Variants in BRME1 observed in about 807,000 individuals in gnomAD.
BRME1 encodes BRCA2 and MEILB2-associating protein 1.
A neutral mutation model predicts 52.6 loss-of-function variants in BRME1; 31 were observed. That is an observed-to-expected ratio of 0.59 (90% CI 0.44 to 0.80). The LOEUF (loss-of-function observed/expected upper bound fraction) is 0.80. Ranked by LOEUF, BRME1 falls within the 30% of genes least tolerant of loss-of-function variation. The pLI is 0.00. For synonymous variants in BRME1, 359 were observed against 353.6 expected (o/e 1.02, Z -0.17); for missense variants, 804 against 860.3 (o/e 0.93, Z 0.82).
Position 13,889,227 on chromosome 19 carries a change from A to G in BRME1, c.1629T>C (p.Asp543=), listed in dbSNP as rs1257507040. The change falls in exon 6 of 9, where the codon GAT becomes GAC. Residue 543 remains aspartate (D), a synonymous_variant. Coordinates refer to ENST00000586783, the MANE Select transcript of BRME1 (RefSeq NM_001345843.2). The part of the protein sequence containing the change: ...LDFLLDSQIQ[D]ALDASDFEAP... Reference sequence around the variant, plus strand: ...CTTCGAAGTCAGAGGCGTCCAGGGCATCCTGTATCTGGCTGTCCAGCAGGA... The same window carrying G: ...CTTCGAAGTCAGAGGCGTCCAGGGCGTCCTGTATCTGGCTGTCCAGCAGGA... 6.2e-7 allele frequency: 1 copy of G among 1,610,416 alleles called. No homozygotes were observed.
At chr19:13,896,810 G>A (rs1369145883) in intron 2 of BRME1, among the ~76,000 whole-genome samples, 1 of 151,548 alleles carries the variant, frequency 6.6e-6, no homozygotes, top group Non-Finnish European at 1.5e-5. Flanking sequence ...CCCACCTCAG[G>A]CCACTCAAGT....
chr19:13,898,427 C>G (rs990512632), intron 2 of BRME1, among the ~76,000 whole-genome samples: 1 of 151,922 alleles, frequency 6.6e-6, no homozygotes, highest in Non-Finnish European at 1.5e-5. Flanking sequence ...TTGGGTAACA[C>G]AGTGAGATCC....
Position 13,883,203 on chromosome 19 carries a change from C to T in BRME1, c.1856+105G>A. On this transcript the variant is annotated intron_variant, in intron 8 of 8. Coordinates refer to ENST00000586783, the MANE Select transcript of BRME1 (RefSeq NM_001345843.2). This position sits in a 1 kb window ranked among gnomAD's most constrained non-coding sequence, Gnocchi z 4.2. Reference sequence around the variant, plus strand: ...CCCAGCAGCAGTGAGGTGCCTGACCCTCGCTGCCCACCTAGGGGCTTCACA... The same window carrying T: ...CCCAGCAGCAGTGAGGTGCCTGACCTTCGCTGCCCACCTAGGGGCTTCACA... 2 of 1,136,940 alleles carry T rather than the reference C, an allele frequency of 1.8e-6. No homozygotes were observed. Among genetic ancestry groups the T allele is most frequent in the Non-Finnish European group, 2.5e-6 (2 of 801,370 alleles). 70.4% of individuals were successfully genotyped at this position (1,136,940 alleles called of 1,614,324 possible). A position where few individuals can be genotyped will look rare whatever the true frequency, so the allele number is the denominator to read the frequency against.
At chr19:13,893,367 A>C in intron 3 of BRME1, 144 bp from the exon 4 acceptor site, 1 of 672,782 alleles carries the variant, frequency 1.5e-6, no homozygotes, top group African/African-American at 1.8e-5. Context: ...GTGAAACCGT[A>C]TCTCTACTAA....
chr19:13,886,216 G>C (rs1969007942), intron 6 of BRME1, among the ~76,000 whole-genome samples, 161 bp from the exon 7 acceptor site: 1 of 152,254 alleles, frequency 6.6e-6, no homozygotes, highest in Admixed American at 6.5e-5. Flanking sequence ...GTAACGGGGA[G>C]GAAATCCACG....
At position 13,904,451 on chromosome 19, in the gene BRME1, C is replaced by CT. The variant is rs562604425; in HGVS notation, c.31+410dup. Among the ~76,000 whole-genome samples, 399 of 150,944 alleles carry CT rather than the reference C, an allele frequency of 2.6e-3. 1 individual carries two copies. Among genetic ancestry groups the CT allele is most frequent in the African/African-American group, 9.3e-3 (384 of 41,142 alleles). On this transcript the variant is annotated intron_variant, in intron 2 of 8. Coordinates refer to ENST00000586783, the MANE Select transcript of BRME1 (RefSeq NM_001345843.2). ...TGAATTAAATCCTTTTTGTCTTTTT[C>CT]TTTTTTTTGAGACAGAGTCTTGCTC...
intron 2 of BRME1, among the ~76,000 whole-genome samples, chr19:13,903,766 AG>A (rs905727821): frequency 2.0e-4 from 31 of 152,252 alleles, no homozygotes; most frequent in Admixed American, 2.0e-3. Context: ...ACTGCTCTAA[AG>A]GAAAGGGTAG....
At chr19:13,901,869 T>C (rs1970317739) in intron 2 of BRME1, among the ~76,000 whole-genome samples, 1 of 150,908 alleles carries the variant, frequency 6.6e-6, no homozygotes, top group Admixed American at 6.6e-5. Flanking sequence ...TGAGGCCTCG[T>C]CTCTTCCAAA....
chr19:13,883,509 A>G lies in BRME1; in HGVS notation c.1764-109T>C, dbSNP rs1968785131. On this transcript the variant is annotated intron_variant, in intron 7 of 8. Transcript: ENST00000586783. The surrounding 1 kb of genome is among the most constrained non-coding windows in gnomAD (Gnocchi z 4.2). ...CTCGCGCCATCTTTTCCAGGTGTCCAGCCTGTCCTCCTCTGTTCACGACAG... is the reference window on the plus strand; with the variant it reads ...CTCGCGCCATCTTTTCCAGGTGTCCGGCCTGTCCTCCTCTGTTCACGACAG... 2 of 812,788 alleles carry G rather than the reference A, an allele frequency of 2.5e-6. No individual in the cohort carries two copies. Among genetic ancestry groups the G allele is most frequent in the Non-Finnish European group, 2.0e-6 (1 of 504,712 alleles). 50.3% of individuals were successfully genotyped at this position (812,788 alleles called of 1,614,324 possible).
intron 2 of BRME1, among the ~76,000 whole-genome samples, chr19:13,898,559 G>A (rs1970070679): frequency 1.3e-5 from 2 of 151,856 alleles, no homozygotes; most frequent in South Asian, 2.1e-4. Flanking sequence ...GCAGCAAGCC[G>A]TGATTGTGCC....
chr19:13,883,375 C>T lies in BRME1; in HGVS notation c.1789G>A (p.Glu597Lys), dbSNP rs139146061. 1,050 of 1,535,072 alleles carry T rather than the reference C, an allele frequency of 6.8e-4. 3 individuals carry two copies. The African/African-American group carries it at 0.012, about 17-fold the overall frequency. ...PRTFVGIQASEASRMEDATNV... is the reference protein window; with the variant it reads ...PRTFVGIQASKASRMEDATNV... ...GTGGCATCCTCCATCCTGGAGGCCT[C>T]AGAGGCCTGGATCCCCACGAAGGTC... The change falls in exon 8 of 9, where the codon GAG (glutamate) becomes AAG (lysine). Residue 597 changes from glutamate (E) to lysine (K), a missense_variant. Physicochemically the swap from Glu to Lys is moderately conservative, Grantham distance 56. Transcript: ENST00000586783. The surrounding 1 kb of genome is among the most constrained non-coding windows in gnomAD (Gnocchi z 4.2).
chr19:13,894,344 G>A (rs1969728513), intron 3 of BRME1, among the ~76,000 whole-genome samples: 1 of 152,130 alleles, frequency 6.6e-6, no homozygotes, highest in South Asian at 2.1e-4. Flanking sequence ...GGCCAACATG[G>A]TGAAACCCCG....
At chr19:13,902,921 G>A (rs1445061261) in intron 2 of BRME1, among the ~76,000 whole-genome samples, 18 of 146,682 alleles carry the variant, frequency 1.2e-4, no homozygotes, top group African/African-American at 5.1e-5. Context: ...GCGAAACTCC[G>A]TCTCAAAAAA....
chr19:13,890,148 G>T lies in BRME1; in HGVS notation c.708C>A (p.His236Gln). The change falls in exon 6 of 9, where the codon CAC becomes CAA. Residue 236 changes from histidine to glutamine, a missense_variant. His to Gln is a conservative substitution (Grantham distance 24, BLOSUM62 0). Transcript: ENST00000586783. ...RVPGDGGQKEHLPSIDSEGEK... is the reference protein window; with the variant it reads ...RVPGDGGQKEQLPSIDSEGEK... ...CCCCTTCAGAATCAATGCTTGGTAG[G>T]TGTTCCTTTTGGCCACCGTCACCTG... 6.2e-7 allele frequency: 1 copy of T among 1,614,178 alleles called. No individual in the cohort carries two copies. Among genetic ancestry groups the T allele is most frequent in the Non-Finnish European group, 8.5e-7 (1 of 1,180,046 alleles).
chr19:13,893,038 A>G, intron 4 of BRME1, 104 bp downstream of exon 4: 1 of 1,361,700 alleles, frequency 7.3e-7, no homozygotes, highest in Non-Finnish European at 1.0e-6. Context: ...CAGCCCCTGT[A>G]GACCATGAGT....
At position 13,889,925 on chromosome 19, in the gene BRME1, G is replaced by GT; in HGVS notation, c.930_931insA (p.Pro311ThrfsTer10). ...CCCATCCTGCTGGGGGTCTGCTGGG[G>GT]GTCAGGGGAGCCCTGGGCCACAGAC... On this transcript the variant is annotated frameshift_variant, in exon 6 of 9. Transcript: ENST00000586783. LOFTEE classifies it high-confidence loss of function. The GT allele has an allele frequency of 6.2e-7, 1 of 1,612,722 alleles. No individual in the cohort carries two copies. Among genetic ancestry groups the GT allele is most frequent in the East Asian group, 2.2e-5 (1 of 44,862 alleles).
At chr19:13,900,666 G>A (rs1242520439) in intron 2 of BRME1, among the ~76,000 whole-genome samples, 1 of 152,008 alleles carries the variant, frequency 6.6e-6, no homozygotes, top group Admixed American at 6.6e-5. Flanking sequence ...ATCATATTGG[G>A]AGTTTGTCTT....
In BRME1 at chr19:13,904,902, C is replaced by T. The variant is rs367652767; in HGVS notation, c.-10G>A. On this transcript the variant is annotated 5_prime_UTR_variant, in exon 2 of 9. Coordinates refer to ENST00000586783, the MANE Select transcript of BRME1 (RefSeq NM_001345843.2). ...TCTTCCTCTTAGTCATTTTATCTTCCCCTTGAGAAATCTGAAAACAAGCAA... is the reference window on the plus strand; with the variant it reads ...TCTTCCTCTTAGTCATTTTATCTTCTCCTTGAGAAATCTGAAAACAAGCAA... 1.2e-6 allele frequency: 2 copies of T among 1,612,990 alleles called. No individual in the cohort carries two copies. Among genetic ancestry groups the T allele is most frequent in the East Asian group, 4.5e-5 (2 of 44,874 alleles).
In BRME1 at chr19:13,883,098, T is replaced by C. The variant is rs76894737; in HGVS notation, c.1857-146A>G. On this transcript the variant is annotated intron_variant, in intron 8 of 8. Coordinates refer to ENST00000586783, the MANE Select transcript of BRME1 (RefSeq NM_001345843.2). The surrounding 1 kb of genome is among the most constrained non-coding windows in gnomAD (Gnocchi z 4.2). ...GCACATAACCAGAAAGGGCCTGTTG[T>C]AGCACAGGCTGGGCCTGTTGCAGCC... The C allele has an allele frequency of 1.7e-4, 114 of 670,972 alleles. 1 individual carries two copies. In the African/African-American group the frequency reaches 8.8e-3, roughly 52 times the overall value. 41.6% of individuals were successfully genotyped at this position (670,972 alleles called of 1,614,324 possible).
Sources: gnomAD v4.1 joint callset for allele counts (sites outside exome capture counted in the v4.1 genomes callset) on GRCh38, gnomAD v4.1.1 for gene constraint, Gnocchi (gnomAD v3.1) non-coding constraint, MANE v1.5 for transcripts, NCBI Gene and HGNC (gene_info 2026-07-23, HGNC 2026-07-21) for gene names.